Variants in MAEA observed in about 807,000 individuals in gnomAD.
MAEA encodes E3 ubiquitin-protein transferase MAEA.
MAEA carries 22 observed loss-of-function variants against 46.2 expected under a neutral mutation model. The observed-to-expected ratio is 0.48, with a 90% confidence interval of 0.34 to 0.68. MAEA has a LOEUF of 0.68. Ranked by LOEUF, MAEA falls within the 30% of genes least tolerant of loss-of-function variation. The pLI, the probability that MAEA is intolerant of heterozygous loss-of-function variation, is 0.01. For missense variants in MAEA, 393 were observed against 558.1 expected (o/e 0.70, Z 2.98); for synonymous variants, 246 against 222.6 (o/e 1.11, Z -0.94).
rs560684564 is a variant in MAEA, at chr4:1,340,037, C to A, written c.*868C>A. ...CACCGTAGCTGACAGAGAACCGTATCGTAGAGGTTTGTAGTTAGTGCTTAT... is the reference window on the plus strand; with the variant it reads ...CACCGTAGCTGACAGAGAACCGTATAGTAGAGGTTTGTAGTTAGTGCTTAT... On this transcript the variant is annotated 3_prime_UTR_variant, in exon 9 of 9. Transcript: ENST00000303400. The A allele has an allele frequency of 6.5e-6, 1 of 152,688 alleles. No homozygotes were observed. The highest frequency in any genetic ancestry group is 1.5e-5 in the Non-Finnish European group (1 of 68,050). The allele number at this position is 152,688 out of a possible 1,614,324, so 9.5% of individuals were successfully genotyped here. A position where few individuals can be genotyped will look rare whatever the true frequency, so the allele number is the denominator to read the frequency against.
At chr4:1,325,696 T>G (rs987386624) in intron 4 of MAEA, among the ~76,000 whole-genome samples, 1 of 151,542 alleles carries the variant, frequency 6.6e-6, no homozygotes, top group Non-Finnish European at 1.5e-5. Flanking sequence ...GGGGAGCCTC[T>G]ATCTCTTCCC....
intron 1 of MAEA, among the ~76,000 whole-genome samples, chr4:1,308,950 T>G (rs913192267): frequency 6.6e-6 from 1 of 152,222 alleles, no homozygotes. Flanking sequence ...AATCTATTTT[T>G]AATGCTTTGC....
At chr4:1,329,376 C>G in intron 5 of MAEA, 1 of 985,448 alleles carries the variant, frequency 1.0e-6, no homozygotes, top group South Asian at 4.7e-5. Flanking sequence ...TAGAGACTCG[C>G]GGGGCCTCCA....
chr4:1,299,136 C>T (rs1220706279), intron 1 of MAEA, among the ~76,000 whole-genome samples: 1 of 152,190 alleles, frequency 6.6e-6, no homozygotes, highest in Non-Finnish European at 1.5e-5. Flanking sequence ...TCCTGGGCGT[C>T]CAAAAGTGTT....
chr4:1,305,663 T>C (rs1735755242), intron 1 of MAEA, among the ~76,000 whole-genome samples: 1 of 152,206 alleles, frequency 6.6e-6, no homozygotes, highest in South Asian at 2.1e-4. Context: ...GACTTGGAAC[T>C]GTTCTTCTGG....
rs533655179 is a variant in MAEA, at chr4:1,330,252, C to T, written c.657-2505C>T. The T allele has an allele frequency of 3.8e-5, 19 of 505,408 alleles. No individual in the cohort carries two copies. The East Asian group carries it at 9.0e-4, about 24-fold the overall frequency. The allele number at this position is 505,408 out of a possible 1,614,324, so 31.3% of individuals were successfully genotyped here. On this transcript the variant is annotated intron_variant, in intron 5 of 8. Transcript: ENST00000303400. ...GTGTGAGCAGCTCCGTGCCGTCTGT[C>T]GCACACCCACACCTCAGCCTGGCCA...
At chr4:1,315,214 C>A (rs755727322) in intron 2 of MAEA, among the ~76,000 whole-genome samples, 183 bp from the exon 3 acceptor site, 4 of 152,128 alleles carry the variant, frequency 2.6e-5, no homozygotes, top group Non-Finnish European at 5.9e-5. Flanking sequence ...TCACTGCCTC[C>A]GTCTGCAGCT....
intron 1 of MAEA, among the ~76,000 whole-genome samples, chr4:1,296,908 T>C (rs2108859998): frequency 6.6e-6 from 1 of 152,294 alleles, no homozygotes; most frequent in East Asian, 1.9e-4. Flanking sequence ...TCTCTAGTCT[T>C]GGAGGCCTTT....
chr4:1,302,981 C>T (rs973988617), intron 1 of MAEA, among the ~76,000 whole-genome samples: 4 of 152,002 alleles, frequency 2.6e-5, no homozygotes, highest in Non-Finnish European at 5.9e-5. Context: ...AATCCTCATA[C>T]GCAGCCACCT....
intron 1 of MAEA, chr4:1,309,470 G>T: frequency 2.3e-6 from 3 of 1,314,866 alleles, no homozygotes; most frequent in Non-Finnish European, 2.9e-6. Context: ...GGGCGTGGAT[G>T]TGGGGAGGAG....
chr4:1,309,785 C>T (rs1201112211), intron 1 of MAEA: 3 of 1,431,122 alleles, frequency 2.1e-6, no homozygotes, highest in Non-Finnish European at 2.8e-6. Flanking sequence ...GGGCCTTTTC[C>T]CTTGCACTGG....
chr4:1,308,635 G>A (rs140457348), intron 1 of MAEA, among the ~76,000 whole-genome samples: 3 of 152,360 alleles, frequency 2.0e-5, no homozygotes, highest in Admixed American at 1.3e-4. Context: ...GATGCCTCAC[G>A]TCTGCACTTG....
intron 1 of MAEA, among the ~76,000 whole-genome samples, chr4:1,297,595 G>A (rs945715600): frequency 2.6e-5 from 4 of 152,186 alleles, no homozygotes; most frequent in African/African-American, 9.6e-5. Flanking sequence ...TGCAGCACTC[G>A]TCACAGTCTG....
intron 5 of MAEA, among the ~76,000 whole-genome samples, chr4:1,328,068 GTCTC>G (rs1391236315): frequency 1.3e-5 from 2 of 152,240 alleles, no homozygotes; most frequent in Non-Finnish European, 2.9e-5. Context: ...AGATGGGAGT[GTCTC>G]TGACGTGTGG....
rs143923866 is a variant in MAEA, at chr4:1,317,514, C to T, written c.456+1914C>T. On this transcript the variant is annotated intron_variant, in intron 3 of 8. Transcript: ENST00000303400. ...GTGGAGCGGCACCCTCCCACCCATG[C>T]CTTCTCCCCACTGCTGCACAGCCTC... Among the ~76,000 whole-genome samples, 896 of 152,038 alleles carry T rather than the reference C, an allele frequency of 5.9e-3. 10 individuals carry two copies. Among genetic ancestry groups the T allele is most frequent in the African/African-American group, 0.021 (859 of 41,490 alleles).
intron 1 of MAEA, chr4:1,309,919 TC>T: frequency 7.8e-7 from 1 of 1,287,754 alleles, no homozygotes; most frequent in Non-Finnish European, 9.9e-7. Flanking sequence ...AAGGCCCCGT[TC>T]CCGCGTAGAA....
rs532809860 is a variant in MAEA, at chr4:1,327,568, C to T, written c.580-59C>T. 71 of 1,287,806 alleles carry T rather than the reference C, an allele frequency of 5.5e-5. No homozygotes were observed. The Admixed American group carries it at 6.4e-4, about 12-fold the overall frequency. The allele number at this position is 1,287,806 out of a possible 1,614,324, so 79.8% of individuals were successfully genotyped here. The stretch of plus-strand genomic sequence containing the variant: ...CTGGTGGACATGCGGGTGCGGCACC[C>T]GGGCACCTGGGCTCTGTGGGATGTG... On this transcript the variant is annotated intron_variant, in intron 4 of 8. Transcript: ENST00000303400.
In MAEA at chr4:1,311,863, C is replaced by T; in HGVS notation, c.70-116C>T. 1 of 887,268 alleles carries T rather than the reference C, an allele frequency of 1.1e-6. No homozygotes were observed. The highest frequency in any genetic ancestry group is 1.7e-5 in the South Asian group (1 of 58,356). The allele number at this position is 887,268 out of a possible 1,614,324, so 55.0% of individuals were successfully genotyped here. A position where few individuals can be genotyped will look rare whatever the true frequency, so the allele number is the denominator to read the frequency against. On this transcript the variant is annotated intron_variant, in intron 1 of 8. Transcript: ENST00000303400. The surrounding 1 kb of genome is among the most constrained non-coding windows in gnomAD (Gnocchi z 4.4). The stretch of plus-strand genomic sequence containing the variant: ...AGTAGATACTTTTGAGACCATGAAC[C>T]TTCTGAGACTTCTGCCTCTACAAGT...
In MAEA at chr4:1,302,988, A is replaced by G. The variant is rs534003646; in HGVS notation, c.70-8991A>G. 7.2e-4 allele frequency among the ~76,000 whole-genome samples: 110 copies of G among 152,128 alleles called. 1 individual carries two copies. Among genetic ancestry groups the G allele is most frequent in the Non-Finnish European group, 1.1e-3 (75 of 67,982 alleles). ...GGAATTGAAATCCTCATACGCAGCC[A>G]CCTCGGAAAACAACCTGGCCGTTCT... On this transcript the variant is annotated intron_variant, in intron 1 of 8. Transcript: ENST00000303400.
Sources: allele counts gnomAD v4.1 joint callset (sites outside exome capture counted in the v4.1 genomes callset), GRCh38; gene constraint gnomAD v4.1.1; non-coding constraint Gnocchi (gnomAD v3.1); transcripts MANE v1.5; gene names NCBI Gene and HGNC (gene_info 2026-07-23, HGNC 2026-07-21).